Variants in TRIM24 observed in about 807,000 individuals in gnomAD.
The protein encoded by TRIM24 is transcription intermediary factor 1-alpha.
In TRIM24, 29 loss-of-function variants were observed where a neutral mutation model predicts 123.9. The ratio of observed to expected loss-of-function variants is 0.23; its 90% confidence interval spans 0.17 to 0.32. TRIM24 has a LOEUF of 0.32. TRIM24 is among the 10% of genes least tolerant of loss of function. TRIM24 has a pLI of 1.00. For missense variants in TRIM24, 932 were observed against 1,295.3 expected (o/e 0.72, Z 4.31); for synonymous variants, 456 against 461.1 (o/e 0.99, Z 0.14).
chr7:138,474,860 T>C lies in TRIM24; in HGVS notation c.364+13948T>C, dbSNP rs141628163. Among the ~76,000 whole-genome samples the C allele has an allele frequency of 3.5e-4, 54 of 152,306 alleles. No individual in the cohort carries two copies. The East Asian group carries it at 7.5e-3, about 21-fold the overall frequency. ...TCTGTATTAAAGCCAAGAGATCTTA[T>C]GTCAGGAAAACAATAGGGAAGATGT... On this transcript the variant is annotated intron_variant, in intron 1 of 18. Transcript: ENST00000343526.
chr7:138,553,385 G>T (rs969336019), intron 8 of TRIM24, among the ~76,000 whole-genome samples: 2 of 152,294 alleles, frequency 1.3e-5, no homozygotes, highest in Middle Eastern at 3.4e-3. Context: ...GTGTAAAAGA[G>T]AATGTTATTG....
intron 9 of TRIM24, among the ~76,000 whole-genome samples, chr7:138,564,290 A>G (rs1797488753): frequency 6.6e-6 from 1 of 152,108 alleles, no homozygotes; most frequent in African/African-American, 2.4e-5. Context: ...GAGGCAGCCC[A>G]CTTGATCATC....
intron 9 of TRIM24, 39 bp downstream of exon 9, chr7:138,555,005 A>G (rs1797286866): frequency 6.3e-7 from 1 of 1,593,990 alleles, no homozygotes; most frequent in African/African-American, 1.3e-5. Flanking sequence ...TTAGATAATT[A>G]TAGTATAATT....
intron 1 of TRIM24, among the ~76,000 whole-genome samples, chr7:138,495,963 C>T (rs1361367009): frequency 6.6e-6 from 1 of 152,118 alleles, no homozygotes; most frequent in Admixed American, 6.5e-5. Flanking sequence ...GTTTGTATTT[C>T]TCTCCTTTCT....
intron 14 of TRIM24, among the ~76,000 whole-genome samples, 153 bp from the exon 15 acceptor site, chr7:138,579,051 C>A (rs1391790618): frequency 2.0e-5 from 3 of 152,080 alleles, no homozygotes; most frequent in Non-Finnish European, 4.4e-5. Flanking sequence ...AGGTTCATGT[C>A]TTCTAAGCCA....
At chr7:138,464,791 A>G (rs960615025) in intron 1 of TRIM24, among the ~76,000 whole-genome samples, 1 of 152,126 alleles carries the variant, frequency 6.6e-6, no homozygotes, top group Non-Finnish European at 1.5e-5. Context: ...CTTTAACACC[A>G]CTAAACTTTA....
chr7:138,493,610 G>A (rs1795842063), intron 1 of TRIM24, among the ~76,000 whole-genome samples: 1 of 152,168 alleles, frequency 6.6e-6, no homozygotes, highest in South Asian at 2.1e-4. Flanking sequence ...AGAAGCCGCT[G>A]TAAGCCTAAG....
At chr7:138,481,260 T>A (rs1191873900) in intron 1 of TRIM24, among the ~76,000 whole-genome samples, 1 of 141,188 alleles carries the variant, frequency 7.1e-6, no homozygotes, top group Admixed American at 7.4e-5. Flanking sequence ...CAAGTTATTA[T>A]TTTTTTTATG....
chr7:138,464,348 T>C (rs1298111833), intron 1 of TRIM24, among the ~76,000 whole-genome samples: 2 of 151,980 alleles, frequency 1.3e-5, no homozygotes, highest in African/African-American at 4.8e-5. Context: ...AAACCAGTTC[T>C]TCATTTTCCT....
chr7:138,541,075 A>G (rs528937172), intron 7 of TRIM24, among the ~76,000 whole-genome samples: 1 of 152,222 alleles, frequency 6.6e-6, no homozygotes, highest in South Asian at 2.1e-4. Context: ...CCTGACCTCA[A>G]GTGATCCACC....
intron 15 of TRIM24, among the ~76,000 whole-genome samples, chr7:138,580,037 C>T (rs1488313638): frequency 6.6e-6 from 1 of 152,144 alleles, no homozygotes; most frequent in Non-Finnish European, 1.5e-5. Context: ...TGTCTTTTTG[C>T]CAGGCATCGA....
chr7:138,583,380 G>A (rs1212489717), intron 17 of TRIM24, among the ~76,000 whole-genome samples: 1 of 152,210 alleles, frequency 6.6e-6, no homozygotes, highest in East Asian at 1.9e-4. Flanking sequence ...AACATTTTGG[G>A]AGGCTGAGGC....
At chr7:138,508,692 T>TGTGTGTGCGCGCGCGCGCGCGC (rs1422176564) in intron 2 of TRIM24, among the ~76,000 whole-genome samples, 1 of 137,212 alleles carries the variant, frequency 7.3e-6, no homozygotes, top group African/African-American at 2.8e-5. Flanking sequence ...TGTGTGTGTG[T>TGTGTGTGCGCGCGCGCGCGCGC]GCGCGCGCGT....
chr7:138,557,914 C>A (rs1797348414), intron 9 of TRIM24, among the ~76,000 whole-genome samples: 1 of 151,610 alleles, frequency 6.6e-6, no homozygotes, highest in African/African-American at 2.4e-5. Context: ...ATCTTCCGCC[C>A]AGGTGGCTGA....
intron 3 of TRIM24, among the ~76,000 whole-genome samples, chr7:138,517,563 G>A (rs547520707): frequency 7.2e-5 from 11 of 151,874 alleles, no homozygotes; most frequent in African/African-American, 1.4e-4. Context: ...TAGTAGAGAC[G>A]GGGTTTCACC....
chr7:138,589,384 T>G lies in TRIM24; in HGVS notation c.*4433T>G, dbSNP rs975665246. On this transcript the variant is annotated 3_prime_UTR_variant, in exon 19 of 19. Transcript: ENST00000343526. ...TTTGATGGATTTTTACTGTCAATAT[T>G]TTACCACAAGGATTTTTTAATAGAA... is the stretch of plus-strand genomic sequence containing the variant. 2.0e-5 allele frequency: 3 copies of G among 152,170 alleles called. No homozygotes were observed. Among genetic ancestry groups the G allele is most frequent in the Non-Finnish European group, 4.4e-5 (3 of 68,028 alleles). 9.4% of individuals were successfully genotyped at this position (152,170 alleles called of 1,614,324 possible).
At chr7:138,543,565 G>A (rs973519891) in intron 7 of TRIM24, among the ~76,000 whole-genome samples, 41 of 151,984 alleles carry the variant, frequency 2.7e-4, no homozygotes, top group Admixed American at 9.8e-4. Flanking sequence ...AAATGGAAAC[G>A]AAATGCCTAG....
intron 9 of TRIM24, among the ~76,000 whole-genome samples, chr7:138,564,614 G>A (rs916547118): frequency 6.6e-6 from 1 of 152,230 alleles, no homozygotes; most frequent in African/African-American, 2.4e-5. Flanking sequence ...TGCAGGTCAA[G>A]TTTGAACTAC....
intron 7 of TRIM24, among the ~76,000 whole-genome samples, chr7:138,547,459 CAG>C (rs890800788): frequency 2.6e-5 from 4 of 152,156 alleles, no homozygotes; most frequent in African/African-American, 4.8e-5. Context: ...AACCATTTCA[CAG>C]TGTATATTTC....
Sources: allele counts gnomAD v4.1 joint callset (sites outside exome capture counted in the v4.1 genomes callset), GRCh38; gene constraint gnomAD v4.1.1; transcripts MANE v1.5; gene names NCBI Gene and HGNC (gene_info 2026-07-23, HGNC 2026-07-21).